Variants in LYRM4 observed in about 807,000 individuals in gnomAD.
The protein encoded by LYRM4 is LYR motif-containing protein 4.
Under a neutral mutation model 11.7 loss-of-function variants are expected in LYRM4, and 9 were observed. That is an observed-to-expected ratio of 0.77 (90% confidence interval 0.46 to 1.34). The LOEUF (loss-of-function observed/expected upper bound fraction) is 1.34. LYRM4 is among the 40% of genes most tolerant of loss of function. The pLI, the probability that LYRM4 is intolerant of heterozygous loss-of-function variation, is 0.00. For synonymous variants in LYRM4, 42 were observed against 40.4 expected (o/e 1.04, Z -0.15); for missense variants, 133 against 112.5 (o/e 1.18, Z -0.82).
At chr6:5,216,846 C>T (rs1254615268) in intron 1 of LYRM4, 108 bp from the exon 2 acceptor site, 7 of 1,327,310 alleles carry the variant, frequency 5.3e-6, no homozygotes, top group Non-Finnish European at 7.1e-6. Context: ...TAATCTTCCC[C>T]TACGGATAAT....
chr6:5,142,471 G>C (rs1346701020), intron 2 of LYRM4, among the ~76,000 whole-genome samples: 1 of 152,178 alleles, frequency 6.6e-6, no homozygotes, highest in African/African-American at 2.4e-5. Context: ...GCCATGCCCT[G>C]TCTGAATTCT....
the LYRM4 span, among the ~76,000 whole-genome samples, chr6:5,056,927 A>G: frequency 2.0e-5 from 3 of 152,286 alleles, no homozygotes; most frequent in African/African-American, 7.2e-5. Context: ...GCTTTTCCTC[A>G]AAGCAACGTC....
chr6:5,086,523 C>T, the LYRM4 span: 13 of 1,533,554 alleles, frequency 8.5e-6, no homozygotes, highest in Admixed American at 7.9e-5. Context: ...CGGGCGCCAA[C>T]TACACGCTGC....
At chr6:5,233,206 G>C (rs1452726230) in intron 1 of LYRM4, among the ~76,000 whole-genome samples, 1 of 152,202 alleles carries the variant, frequency 6.6e-6, no homozygotes, top group Non-Finnish European at 1.5e-5. Flanking sequence ...AAAAAAATGA[G>C]TGACTTGGCA....
intron 2 of LYRM4, among the ~76,000 whole-genome samples, chr6:5,203,141 C>T (rs775314316): frequency 3.3e-5 from 5 of 152,204 alleles, no homozygotes; most frequent in Admixed American, 2.0e-4. Context: ...TAACTACCCA[C>T]GCCCCCCGGA....
At chr6:5,251,136 G>C (rs959672958) in intron 1 of LYRM4, among the ~76,000 whole-genome samples, 3 of 152,124 alleles carry the variant, frequency 2.0e-5, no homozygotes, top group African/African-American at 7.2e-5. Flanking sequence ...TCTTGTGTTT[G>C]ATTCCACCTA....
intron 1 of LYRM4, among the ~76,000 whole-genome samples, chr6:5,228,457 T>C (rs1763027740): frequency 6.6e-6 from 1 of 151,972 alleles, no homozygotes; most frequent in Non-Finnish European, 1.5e-5. Flanking sequence ...TTGTATATCT[T>C]AGTAGATGCA....
At chr6:5,114,082 A>T (rs1459933472) in intron 2 of LYRM4, among the ~76,000 whole-genome samples, 1 of 152,094 alleles carries the variant, frequency 6.6e-6, no homozygotes, top group Non-Finnish European at 1.5e-5. Flanking sequence ...TCATGGCTGG[A>T]GCATCTAGGA....
At chr6:5,048,818 G>A in the LYRM4 span, among the ~76,000 whole-genome samples, 18 of 152,154 alleles carry the variant, frequency 1.2e-4, no homozygotes, top group African/African-American at 4.1e-4. Context: ...ATAAAGAAAC[G>A]TAAATAATGG....
intron 1 of LYRM4, among the ~76,000 whole-genome samples, chr6:5,254,440 T>C (rs1254350350): frequency 6.6e-6 from 1 of 152,230 alleles, no homozygotes; most frequent in Admixed American, 6.5e-5. Context: ...TTGATTGTAA[T>C]AGTTCCTATT....
chr6:5,226,607 C>G (rs1581549883), intron 1 of LYRM4, among the ~76,000 whole-genome samples: 1 of 152,088 alleles, frequency 6.6e-6, no homozygotes, highest in East Asian at 1.9e-4. Context: ...AAACTCCCGA[C>G]CTCAGGTGAT....
chr6:5,247,656 G>A (rs957574527), intron 1 of LYRM4, among the ~76,000 whole-genome samples: 3 of 152,156 alleles, frequency 2.0e-5, no homozygotes, highest in African/African-American at 2.4e-5. Context: ...AATTGATCAC[G>A]TAAGTTAACT....
intron 2 of LYRM4, among the ~76,000 whole-genome samples, chr6:5,177,468 T>C (rs1309365510): frequency 6.6e-6 from 1 of 152,234 alleles, no homozygotes; most frequent in Non-Finnish European, 1.5e-5. Flanking sequence ...CACCATTCAG[T>C]GAGACACAAG....
chr6:5,063,254 T>G, the LYRM4 span, among the ~76,000 whole-genome samples: 1 of 152,034 alleles, frequency 6.6e-6, no homozygotes, highest in African/African-American at 2.4e-5. Flanking sequence ...GACTAAAGCC[T>G]TGGTCCTCAT....
At chr6:5,164,690 G>T (rs931573634) in intron 2 of LYRM4, among the ~76,000 whole-genome samples, 2 of 152,098 alleles carry the variant, frequency 1.3e-5, no homozygotes, top group Non-Finnish European at 2.9e-5. Flanking sequence ...CATATTGGCC[G>T]GGTGTGGCGG....
intron 2 of LYRM4, among the ~76,000 whole-genome samples, chr6:5,180,971 C>T (rs1760036777): frequency 6.6e-6 from 1 of 152,172 alleles, no homozygotes; most frequent in Non-Finnish European, 1.5e-5. Context: ...TTATTGAACC[C>T]TTTTCACTTT....
intron 1 of LYRM4, among the ~76,000 whole-genome samples, chr6:5,253,328 A>G (rs1308134592): frequency 1.3e-5 from 2 of 152,204 alleles, no homozygotes; most frequent in East Asian, 1.9e-4. Flanking sequence ...GTGCAAAAGG[A>G]ATGCAGTTTT....
chr6:5,118,079 A>AATATATATATATAT (rs113661997), intron 2 of LYRM4, among the ~76,000 whole-genome samples: 1 of 40,360 alleles, frequency 2.5e-5, no homozygotes, highest in Admixed American at 2.3e-4. Context: ...TCACCAAAAC[A>AATATATATATATAT]ATATATATAT....
chr6:5,144,162 T>G (rs1416904504), intron 2 of LYRM4: 6 of 1,536,566 alleles, frequency 3.9e-6, no homozygotes, highest in Non-Finnish European at 4.4e-6. Context: ...AGAGCAAACG[T>G]CTGTCAGGTG....
Sources: gnomAD v4.1 joint callset for allele counts (sites outside exome capture counted in the v4.1 genomes callset) on GRCh38, gnomAD v4.1.1 for gene constraint, MANE v1.5 for transcripts, NCBI Gene and HGNC (gene_info 2026-07-23, HGNC 2026-07-21) for gene names.